MBNL2: variants seen among roughly 807,000 people sequenced by gnomAD.
MBNL2 encodes muscleblind like splicing regulator 2.
MBNL2 carries 17 observed loss-of-function variants against 41.9 expected under a neutral mutation model. The observed-to-expected ratio is 0.41, with a 90% CI of 0.28 to 0.61. The LOEUF (loss-of-function observed/expected upper bound fraction) is 0.61, where lower values mean the gene tolerates loss of function less well. Among genes scored for constraint, MBNL2 ranks in the 20% least tolerant of loss-of-function variants. MBNL2 has a pLI of 0.35. For missense variants in MBNL2, 336 were observed against 505.6 expected (o/e 0.66, Z 3.22); for synonymous variants, 195 against 182.9 (o/e 1.07, Z -0.53).
intron 1 of MBNL2, among the ~76,000 whole-genome samples, chr13:97,265,173 T>A (rs2049484138): frequency 6.6e-6 from 1 of 152,180 alleles, no homozygotes; most frequent in South Asian, 2.1e-4. Context: ...TTCCTGGAAA[T>A]GGCAATGAAA....
chr13:97,144,574 C>T, the MBNL2 span, among the ~76,000 whole-genome samples: 1 of 151,966 alleles, frequency 6.6e-6, no homozygotes, highest in Non-Finnish European at 1.5e-5. Context: ...GGATTACAGG[C>T]ATGTGCCACC....
At position 97,351,053 on chromosome 13, in the gene MBNL2, CCTT is replaced by C. The variant is rs772453941; in HGVS notation, c.804+3987_804+3989del. On this transcript the variant is annotated intron_variant, in intron 5 of 8. Transcript: ENST00000679496. ...ATAAGACTTGATAGTTGAAATAACTCCTTGATCCATGGGCTGCAGAACAGCTGT... is the reference window on the plus strand; with the variant it reads ...ATAAGACTTGATAGTTGAAATAACTCGATCCATGGGCTGCAGAACAGCTGT... 1.1e-4 allele frequency among the ~76,000 whole-genome samples: 16 copies of C among 152,314 alleles called. No homozygotes were observed. The South Asian group carries it at 3.3e-3, about 32-fold the overall frequency.
chr13:97,344,895 C>T (rs1442346167), intron 4 of MBNL2, among the ~76,000 whole-genome samples: 2 of 152,168 alleles, frequency 1.3e-5, no homozygotes. Flanking sequence ...CATTTCAAAC[C>T]AGGAATGAAG....
intron 1 of MBNL2, among the ~76,000 whole-genome samples, chr13:97,223,776 A>G (rs543109591): frequency 6.7e-5 from 10 of 149,630 alleles, no homozygotes; most frequent in African/African-American, 2.5e-4. Flanking sequence ...CAGTAGAACT[A>G]CTCATTTAAA....
chr13:97,294,749 G>A (rs2056760495), intron 2 of MBNL2, among the ~76,000 whole-genome samples: 1 of 152,028 alleles, frequency 6.6e-6, no homozygotes, highest in Admixed American at 6.6e-5. Context: ...TATCCCTGAA[G>A]GTCTTACTTA....
chr13:97,171,991 A>G, the MBNL2 span, among the ~76,000 whole-genome samples: 1 of 152,158 alleles, frequency 6.6e-6, no homozygotes, highest in East Asian at 1.9e-4. Context: ...AGCCACGTGG[A>G]ACTGTGAGTC....
the MBNL2 span, among the ~76,000 whole-genome samples, chr13:97,175,289 C>G: frequency 6.6e-6 from 1 of 152,178 alleles, no homozygotes; most frequent in Non-Finnish European, 1.5e-5. Context: ...CCTACCCACT[C>G]CTACTTCTTC....
chr13:97,215,755 T>C, the MBNL2 span, among the ~76,000 whole-genome samples: 1 of 152,340 alleles, frequency 6.6e-6, no homozygotes, highest in South Asian at 2.1e-4. Context: ...GGTATTATTT[T>C]TGGCCTAGGG....
chr13:97,188,653 A>T, the MBNL2 span, among the ~76,000 whole-genome samples: 1 of 152,082 alleles, frequency 6.6e-6, no homozygotes, highest in Non-Finnish European at 1.5e-5. Context: ...AAAGGAAAAA[A>T]AAAAAAGGCA....
the MBNL2 span, among the ~76,000 whole-genome samples, chr13:97,174,644 A>G: frequency 1.5e-3 from 234 of 152,344 alleles, 2 homozygotes; most frequent in African/African-American, 5.5e-3. Context: ...TTTGGAAGGC[A>G]GGCTCACAGA....
At chr13:97,146,769 T>C in the MBNL2 span, among the ~76,000 whole-genome samples, 1 of 152,176 alleles carries the variant, frequency 6.6e-6, no homozygotes, top group Non-Finnish European at 1.5e-5. Context: ...CAGGTGACCA[T>C]GGCCAGTGAC....
At chr13:97,242,133 C>T (rs972927132) in intron 1 of MBNL2, among the ~76,000 whole-genome samples, 3 of 152,208 alleles carry the variant, frequency 2.0e-5, no homozygotes, top group Middle Eastern at 3.4e-3. Flanking sequence ...AGGATTTTGA[C>T]GACACCACTG....
intron 2 of MBNL2, among the ~76,000 whole-genome samples, chr13:97,303,019 A>G (rs1327212048): frequency 6.6e-6 from 1 of 152,188 alleles, no homozygotes; most frequent in Non-Finnish European, 1.5e-5. Context: ...CAGAGCAGGG[A>G]TTCGAACTGG....
the MBNL2 span, among the ~76,000 whole-genome samples, chr13:97,199,560 A>C: frequency 6.6e-6 from 1 of 152,240 alleles, no homozygotes; most frequent in South Asian, 2.1e-4. Context: ...AGAATGTGTA[A>C]TTGCTATACA....
At chr13:97,299,683 T>C (rs978913459) in intron 2 of MBNL2, among the ~76,000 whole-genome samples, 18 of 151,780 alleles carry the variant, frequency 1.2e-4, no homozygotes, top group Admixed American at 1.3e-4. Flanking sequence ...TATCTATCTA[T>C]CTATCATCTA....
chr13:97,206,564 C>T, the MBNL2 span, among the ~76,000 whole-genome samples: 2 of 152,138 alleles, frequency 1.3e-5, no homozygotes, highest in African/African-American at 2.4e-5. Flanking sequence ...CTCCTTTAAT[C>T]CTCCCACAAT....
intron 1 of MBNL2, among the ~76,000 whole-genome samples, chr13:97,247,018 T>C (rs958024018): frequency 2.0e-5 from 3 of 152,238 alleles, no homozygotes; most frequent in African/African-American, 7.2e-5. Flanking sequence ...TTCTTTCTTA[T>C]TGTGCAGGCT....
chr13:97,290,859 G>C (rs2055796771), intron 2 of MBNL2, among the ~76,000 whole-genome samples: 2 of 152,026 alleles, frequency 1.3e-5, no homozygotes, highest in African/African-American at 2.4e-5. Context: ...CCAAGGAGTT[G>C]CTTTCTGAGC....
intron 2 of MBNL2, among the ~76,000 whole-genome samples, chr13:97,305,478 A>G (rs950743169): frequency 2.6e-5 from 4 of 152,160 alleles, no homozygotes; most frequent in Non-Finnish European, 1.5e-5. Context: ...CAAAATCCCA[A>G]ATCAGCTGGG....
Sources: gnomAD v4.1 joint callset for allele counts (sites outside exome capture counted in the v4.1 genomes callset) on GRCh38, gnomAD v4.1.1 for gene constraint, MANE v1.5 for transcripts, NCBI Gene and HGNC (gene_info 2026-07-23, HGNC 2026-07-21) for gene names.